SLC24A4: variants seen among roughly 807,000 people sequenced by gnomAD.
SLC24A4 encodes the protein sodium/potassium/calcium exchanger 4.
In SLC24A4, 53 loss-of-function variants were observed where a neutral mutation model predicts 79.0. The observed-to-expected ratio is 0.67, with a 90% CI of 0.54 to 0.84. The LOEUF (loss-of-function observed/expected upper bound fraction) is 0.84. Among genes scored for constraint, SLC24A4 ranks in the 40% least tolerant of loss-of-function variants. The pLI is 0.00. For missense variants in SLC24A4, 731 were observed against 822.0 expected, an observed-to-expected ratio of 0.89 and a Z score of 1.35; for synonymous variants, 323 against 323.8, an observed-to-expected ratio of 1.00 and a Z score of 0.03.
In SLC24A4 at chr14:92,497,732, G is replaced by A. The variant is rs1331208571; in HGVS notation, c.*4104G>A. The A allele has an allele frequency of 6.6e-6, 1 of 152,276 alleles. No homozygotes were observed. Among genetic ancestry groups the A allele is most frequent in the African/African-American group, 2.4e-5 (1 of 41,448 alleles). 9.4% of individuals were successfully genotyped at this position (152,276 alleles called of 1,614,324 possible). A position where few individuals can be genotyped will look rare whatever the true frequency, so the allele number is the denominator to read the frequency against. On this transcript the variant is annotated 3_prime_UTR_variant, in exon 17 of 17. Transcript: ENST00000532405. The stretch of plus-strand genomic sequence containing the variant: ...AGAAGCAGAGACCTTTCTGCCCTGG[G>A]TGAATGGGTCCTTGGGGGAGGGGTT...
intron 2 of SLC24A4, among the ~76,000 whole-genome samples, chr14:92,335,990 A>G (rs1411076647): frequency 6.6e-6 from 1 of 152,122 alleles, no homozygotes; most frequent in Non-Finnish European, 1.5e-5. Context: ...TTTGTTTGCA[A>G]TCGGAAGTTT....
At position 92,443,290 on chromosome 14, in the gene SLC24A4, G is replaced by GGTGGAGCTCT. The variant is rs1439323399; in HGVS notation, c.583-105_583-96dup. 3.0e-5 allele frequency: 29 copies of GGTGGAGCTCT among 956,536 alleles called. No homozygotes were observed. The Admixed American group carries it at 5.6e-4, about 18-fold the overall frequency. The allele number at this position is 956,536 out of a possible 1,614,324, so 59.3% of individuals were successfully genotyped here. A position where few individuals can be genotyped will look rare whatever the true frequency, so the allele number is the denominator to read the frequency against. On this transcript the variant is annotated intron_variant, in intron 6 of 16. Coordinates refer to ENST00000532405, the MANE Select transcript of SLC24A4 (RefSeq NM_153646.4). Reference sequence around the variant, plus strand: ...GAACAAGCGTGGCCTGGAGTTAGGAGGTGGAGCTCTGTGGGCATGCCCTGC... The same window carrying GGTGGAGCTCT: ...GAACAAGCGTGGCCTGGAGTTAGGAGGTGGAGCTCTGTGGAGCTCTGTGGGCATGCCCTGC...
chr14:92,363,821 T>TC (rs1887667979), intron 2 of SLC24A4, among the ~76,000 whole-genome samples: 1 of 149,628 alleles, frequency 6.7e-6, no homozygotes, highest in African/African-American at 2.5e-5. Flanking sequence ...AGAGTGAGAC[T>TC]CCGTCTAAAA....
intron 2 of SLC24A4, among the ~76,000 whole-genome samples, chr14:92,376,905 G>C (rs1385470580): frequency 1.3e-5 from 2 of 152,156 alleles, no homozygotes; most frequent in Non-Finnish European, 2.9e-5. Context: ...ATCCCACAAT[G>C]CACAGGCCAC....
At chr14:92,491,222 G>A (rs917516773) in intron 14 of SLC24A4, among the ~76,000 whole-genome samples, 15 of 152,166 alleles carry the variant, frequency 9.9e-5, no homozygotes, top group Non-Finnish European at 1.8e-4. Context: ...CCTGCACTGT[G>A]AATGCTCTGT....
intron 2 of SLC24A4, among the ~76,000 whole-genome samples, chr14:92,387,140 G>A (rs1354200600): frequency 2.6e-5 from 4 of 151,232 alleles, no homozygotes; most frequent in East Asian, 1.9e-4. Context: ...GGGCAACTGG[G>A]CAGGGGGTAC....
intron 12 of SLC24A4, among the ~76,000 whole-genome samples, chr14:92,458,590 G>A (rs771698901): frequency 3.9e-5 from 6 of 152,192 alleles, no homozygotes; most frequent in Non-Finnish European, 5.9e-5. Context: ...TTCACCAAGT[G>A]AGGGAAGATT....
intron 7 of SLC24A4, 130 bp from the exon 8 acceptor site, chr14:92,445,187 A>G: frequency 9.9e-7 from 1 of 1,005,300 alleles, no homozygotes; most frequent in South Asian, 1.3e-5. Context: ...TGAGCAGCTC[A>G]GAAATGGACC....
At chr14:92,415,788 T>C (rs1890951374) in intron 2 of SLC24A4, among the ~76,000 whole-genome samples, 1 of 151,946 alleles carries the variant, frequency 6.6e-6, no homozygotes, top group South Asian at 2.1e-4. Flanking sequence ...TTAATTTCCA[T>C]AGGGTTTTGG....
chr14:92,369,930 A>G (rs1438630347), intron 2 of SLC24A4, among the ~76,000 whole-genome samples: 2 of 152,242 alleles, frequency 1.3e-5, no homozygotes, highest in African/African-American at 4.8e-5. Flanking sequence ...CTAAGGAGGA[A>G]AAGATACTGA....
chr14:92,334,895 ATCATCATCATCATCG>A (rs1175483666), intron 2 of SLC24A4, among the ~76,000 whole-genome samples: 58 of 152,066 alleles, frequency 3.8e-4, no homozygotes, highest in Non-Finnish European at 7.2e-4. Context: ...CATCGTCATC[ATCATCATCATCATCG>A]TCATCATCAT....
chr14:92,339,913 G>A (rs1395061075), intron 2 of SLC24A4, among the ~76,000 whole-genome samples: 1 of 152,240 alleles, frequency 6.6e-6, no homozygotes, highest in Non-Finnish European at 1.5e-5. Flanking sequence ...AGAGTCTTAG[G>A]CAGAAGTGAT....
intron 2 of SLC24A4, among the ~76,000 whole-genome samples, chr14:92,359,693 T>C (rs953978336): frequency 1.3e-5 from 2 of 152,162 alleles, no homozygotes; most frequent in East Asian, 1.9e-4. Context: ...TAAAAACTCA[T>C]GTCATGATCA....
chr14:92,452,486 C>T (rs111952653), intron 10 of SLC24A4: 4 of 152,184 alleles, frequency 2.6e-5, no homozygotes, highest in African/African-American at 7.2e-5. Flanking sequence ...TGATGCTCCC[C>T]ATAGAAGGAG....
intron 2 of SLC24A4, among the ~76,000 whole-genome samples, chr14:92,340,779 A>C (rs764772377): frequency 6.6e-6 from 1 of 152,114 alleles, no homozygotes; most frequent in Non-Finnish European, 1.5e-5. Flanking sequence ...CCCTCCACAC[A>C]TGGCCTCACA....
At chr14:92,333,534 T>C (rs917864758) in intron 2 of SLC24A4, among the ~76,000 whole-genome samples, 2 of 152,192 alleles carry the variant, frequency 1.3e-5, no homozygotes, top group African/African-American at 2.4e-5. Context: ...GGGAGGGATT[T>C]AAGTCCTCCT....
intron 2 of SLC24A4, among the ~76,000 whole-genome samples, chr14:92,395,336 T>G (rs55927002): frequency 0.029 from 4,341 of 152,020 alleles, 199 homozygotes; most frequent in East Asian, 0.19. Context: ...AGAAAGCCTC[T>G]CTAGCAGCCA....
At chr14:92,337,117 G>C (rs902323745) in intron 2 of SLC24A4, among the ~76,000 whole-genome samples, 1 of 151,988 alleles carries the variant, frequency 6.6e-6, no homozygotes, top group African/African-American at 2.4e-5. Flanking sequence ...ACATGGGGAG[G>C]GGGTGGCAGT....
intron 16 of SLC24A4, 94 bp from the exon 17 acceptor site, chr14:92,493,382 T>C: frequency 6.9e-7 from 1 of 1,458,880 alleles, no homozygotes; most frequent in Non-Finnish European, 9.4e-7. Flanking sequence ...TGCAGAATGT[T>C]CTAGGTTTCC....
Sources: allele counts gnomAD v4.1 joint callset (sites outside exome capture counted in the v4.1 genomes callset), GRCh38; gene constraint gnomAD v4.1.1; transcripts MANE v1.5; gene names NCBI Gene and HGNC (gene_info 2026-07-23, HGNC 2026-07-21).